Variants in RFX8 observed in about 807,000 individuals in gnomAD.
The protein encoded by RFX8 is DNA-binding protein RFX8.
In RFX8, 46 loss-of-function variants were observed where a neutral mutation model predicts 54.6. The observed-to-expected ratio is 0.84, with a 90% CI of 0.67 to 1.08. The LOEUF (loss-of-function observed/expected upper bound fraction) is 1.08. Ranked by LOEUF, RFX8 falls within the 50% of genes least tolerant of loss-of-function variation. The pLI, the probability that RFX8 is intolerant of heterozygous loss-of-function variation, is 0.00. For missense variants in RFX8, 536 were observed against 562.3 expected (o/e 0.95, Z 0.47); for synonymous variants, 192 against 209.5 (o/e 0.92, Z 0.72).
intron 2 of RFX8, among the ~76,000 whole-genome samples, chr2:101,461,587 G>A (rs578055310): frequency 1.4e-4 from 21 of 152,182 alleles, no homozygotes; most frequent in South Asian, 4.1e-4. Context: ...CTGATTGTCC[G>A]GCAACATAAT....
At chr2:101,431,509 T>G (rs965434567) in intron 2 of RFX8, among the ~76,000 whole-genome samples, 1 of 152,176 alleles carries the variant, frequency 6.6e-6, no homozygotes. Context: ...CATATAAGGA[T>G]AGCTTATTAA....
intron 2 of RFX8, among the ~76,000 whole-genome samples, chr2:101,448,352 C>G (rs1454799347): frequency 6.6e-6 from 1 of 152,186 alleles, no homozygotes; most frequent in Non-Finnish European, 1.5e-5. Context: ...TACTAGAGCT[C>G]CATGCATGCC....
At chr2:101,406,794 A>G (rs979653272) in intron 9 of RFX8, among the ~76,000 whole-genome samples, 20 of 152,164 alleles carry the variant, frequency 1.3e-4, no homozygotes, top group Non-Finnish European at 2.5e-4. Context: ...ATTGTGGAAA[A>G]GGGGCACAGA....
chr2:101,467,013 T>C (rs1689610379), intron 1 of RFX8, 113 bp from the exon 2 acceptor site: 1 of 636,510 alleles, frequency 1.6e-6, no homozygotes, highest in Non-Finnish European at 2.8e-6. Flanking sequence ...ATGAAACATG[T>C]CTAATTTATT....
chr2:101,442,141 T>A (rs1005117129), intron 2 of RFX8, among the ~76,000 whole-genome samples: 3 of 152,238 alleles, frequency 2.0e-5, no homozygotes, highest in African/African-American at 7.2e-5. Flanking sequence ...TTGGTGGTGA[T>A]GTTTCACTAC....
At chr2:101,438,523 C>G (rs1397448798) in intron 2 of RFX8, among the ~76,000 whole-genome samples, 3 of 152,214 alleles carry the variant, frequency 2.0e-5, no homozygotes, top group African/African-American at 7.2e-5. Flanking sequence ...GGCTATTACA[C>G]TTAAACTTGC....
chr2:101,440,107 T>TAAAA (rs112330593), intron 2 of RFX8, among the ~76,000 whole-genome samples: 3 of 150,176 alleles, frequency 2.0e-5, no homozygotes, highest in African/African-American at 7.3e-5. Context: ...TGCTGAGATT[T>TAAAA]TAAAAAAAAA....
intron 2 of RFX8, among the ~76,000 whole-genome samples, chr2:101,430,609 ACTTCCAG>A (rs1165399398): frequency 6.6e-6 from 1 of 152,190 alleles, no homozygotes; most frequent in Non-Finnish European, 1.5e-5. Context: ...TTGATCTTGG[ACTTCCAG>A]CTTCCAGAAC....
intron 1 of RFX8, among the ~76,000 whole-genome samples, chr2:101,468,426 C>T (rs549394683): frequency 5.9e-5 from 9 of 152,200 alleles, no homozygotes; most frequent in African/African-American, 1.2e-4. Flanking sequence ...CCTGTGTGTC[C>T]GTATCTCTGA....
In RFX8 at chr2:101,397,474, A is replaced by C. The variant is rs570166086; in HGVS notation, c.*74T>G. The stretch of plus-strand genomic sequence containing the variant: ...ACATAACATCATCTTTCGTCAATAG[A>C]AAAACTTTAGTATTTAATATTTTTA... On this transcript the variant is annotated 3_prime_UTR_variant, in exon 12 of 12. Coordinates refer to ENST00000428343, the MANE Select transcript of RFX8 (RefSeq NM_001145664.2). 9.9e-7 allele frequency: 1 copy of C among 1,011,944 alleles called. No homozygotes were observed. Among genetic ancestry groups the C allele is most frequent in the South Asian group, 2.0e-5 (1 of 50,822 alleles). 62.7% of individuals were successfully genotyped at this position (1,011,944 alleles called of 1,614,324 possible). A position where few individuals can be genotyped will look rare whatever the true frequency, so the allele number is the denominator to read the frequency against.
At chr2:101,403,103 T>C (rs1329295574) in intron 10 of RFX8, among the ~76,000 whole-genome samples, 1 of 152,152 alleles carries the variant, frequency 6.6e-6, no homozygotes, top group African/African-American at 2.4e-5. Context: ...CCATGTATGA[T>C]CCACAGGAAT....
At chr2:101,464,795 T>C (rs1689486055) in intron 2 of RFX8, among the ~76,000 whole-genome samples, 1 of 152,140 alleles carries the variant, frequency 6.6e-6, no homozygotes, top group Non-Finnish European at 1.5e-5. Flanking sequence ...TGCAGTAGAA[T>C]TACCATGAAG....
Position 101,421,720 on chromosome 2 carries a change from TCA to T in RFX8, c.237+2_237+3del. 6.4e-7 allele frequency: 1 copy of T among 1,550,508 alleles called. No individual in the cohort carries two copies. The highest frequency in any genetic ancestry group is 8.7e-7 in the Non-Finnish European group (1 of 1,146,288). On this transcript the variant is annotated splice_donor_variant and splice_donor_region_variant and intron_variant, in intron 4 of 11. Coordinates refer to ENST00000428343, the MANE Select transcript of RFX8 (RefSeq NM_001145664.2). LOFTEE classifies it high-confidence loss of function. ...CCTACCCTCTCAAGTTCTCAGTTCC[TCA>T]CATTTCGTAAAATGTCTCGACAATA...
intron 6 of RFX8, 121 bp from the exon 7 acceptor site, chr2:101,415,033 C>T: frequency 2.9e-6 from 2 of 685,240 alleles, no homozygotes; most frequent in Non-Finnish European, 5.1e-6. Flanking sequence ...GCAACTTCCC[C>T]CACCCCCGTG....
At chr2:101,443,163 G>A (rs1688191246) in intron 2 of RFX8, among the ~76,000 whole-genome samples, 1 of 152,124 alleles carries the variant, frequency 6.6e-6, no homozygotes, top group African/African-American at 2.4e-5. Context: ...AGGGTGCAGG[G>A]CGGGGGATGC....
At chr2:101,433,766 C>T (rs1310479083) in intron 2 of RFX8, among the ~76,000 whole-genome samples, 4 of 152,124 alleles carry the variant, frequency 2.6e-5, no homozygotes, top group South Asian at 4.1e-4. Flanking sequence ...AATTCATGTA[C>T]CATACTTGTT....
At chr2:101,448,676 C>T (rs1291720844) in intron 2 of RFX8, among the ~76,000 whole-genome samples, 1 of 152,154 alleles carries the variant, frequency 6.6e-6, no homozygotes, top group Non-Finnish European at 1.5e-5. Flanking sequence ...CCTGTCTTAC[C>T]CATACTGGAG....
At chr2:101,468,327 T>A (rs1024128455) in intron 1 of RFX8, among the ~76,000 whole-genome samples, 5 of 152,194 alleles carry the variant, frequency 3.3e-5, no homozygotes, top group Admixed American at 2.0e-4. Flanking sequence ...CTTTTCTCCT[T>A]GTTTCTGGTG....
In RFX8 at chr2:101,429,001, A is replaced by C. The variant is rs899366554; in HGVS notation, c.73-6529T>G. On this transcript the variant is annotated intron_variant, in intron 2 of 11. Transcript: ENST00000428343. ...TGCTGTTATAATTAGTAGATTTTTC[A>C]AAGGCAATGGCATCTCCACTGTGAA... 23 of 1,532,426 alleles carry C rather than the reference A, an allele frequency of 1.5e-5. No individual in the cohort carries two copies. In the African/African-American group the frequency reaches 2.6e-4, roughly 17 times the overall value. The allele number at this position is 1,532,426 out of a possible 1,614,324, so 94.9% of individuals were successfully genotyped here. A position where few individuals can be genotyped will look rare whatever the true frequency, so the allele number is the denominator to read the frequency against.
Sources: allele counts gnomAD v4.1 joint callset (sites outside exome capture counted in the v4.1 genomes callset), GRCh38; gene constraint gnomAD v4.1.1; transcripts MANE v1.5; gene names NCBI Gene and HGNC (gene_info 2026-07-23, HGNC 2026-07-21).